Variants in SPATS2L observed in about 807,000 individuals in gnomAD.
SPATS2L encodes the protein spermatogenesis associated serine rich 2 like, also known as SPATS2-like protein.
A neutral mutation model predicts 59.6 loss-of-function variants in SPATS2L; 30 were observed. The observed-to-expected ratio is 0.50, with a 90% confidence interval of 0.38 to 0.68. The LOEUF is 0.68. Ranked by LOEUF, SPATS2L falls within the 30% of genes least tolerant of loss-of-function variation. The pLI is 0.00. For synonymous variants in SPATS2L, 252 were observed against 263.5 expected (o/e 0.96, Z 0.42); for missense variants, 615 against 700.0 (o/e 0.88, Z 1.37).
intron 2 of SPATS2L, among the ~76,000 whole-genome samples, chr2:200,372,409 A>T (rs1403835231): frequency 6.6e-6 from 1 of 152,046 alleles, no homozygotes; most frequent in Non-Finnish European, 1.5e-5. Context: ...ACATAAGGAG[A>T]TAGTAAGTTA....
chr2:200,345,588 C>A (rs754372241), intron 2 of SPATS2L, among the ~76,000 whole-genome samples: 6 of 152,060 alleles, frequency 3.9e-5, no homozygotes, highest in Admixed American at 6.6e-5. Context: ...CTCCCAAATC[C>A]CAGGTCTACA....
At chr2:200,307,141 C>T (rs1268823150) in intron 1 of SPATS2L, among the ~76,000 whole-genome samples, 1 of 151,192 alleles carries the variant, frequency 6.6e-6, no homozygotes, top group Non-Finnish European at 1.5e-5. Flanking sequence ...GCCGTCCTTC[C>T]TTTCTCCAGC....
At chr2:200,320,715 AT>A (rs1343206273) in intron 1 of SPATS2L, among the ~76,000 whole-genome samples, 1 of 152,044 alleles carries the variant, frequency 6.6e-6, no homozygotes, top group East Asian at 1.9e-4. Flanking sequence ...AAAGAGGTTT[AT>A]TTTTCTTCCC....
At position 200,419,826 on chromosome 2, in the gene SPATS2L, T is replaced by C. The variant is rs973213402; in HGVS notation, c.445+330T>C. ...ACTCCTGGACTCAAGCAATCCTGCC[T>C]TGGCATCCCAAAGTGCTGGGATTAC... On this transcript the variant is annotated intron_variant, in intron 6 of 12. Coordinates refer to ENST00000409140, the MANE Select transcript of SPATS2L (RefSeq NM_001100423.2). Among the ~76,000 whole-genome samples the C allele has an allele frequency of 5.5e-4, 83 of 151,566 alleles. 1 individual carries two copies. Among genetic ancestry groups the C allele is most frequent in the African/African-American group, 1.8e-3 (75 of 41,278 alleles).
rs141972939 is a variant in SPATS2L at position 200,462,566 on chromosome 2, A to G, written c.847+2739A>G. On this transcript the variant is annotated intron_variant, in intron 9 of 12. Transcript: ENST00000409140. Reference sequence around the variant, plus strand: ...GCAGGCAGAACTGAGTTCAAGTCCAACCTCCATCTCTAACTGGCTGTGTGT... The same window carrying G: ...GCAGGCAGAACTGAGTTCAAGTCCAGCCTCCATCTCTAACTGGCTGTGTGT... 3.2e-4 allele frequency among the ~76,000 whole-genome samples: 49 copies of G among 152,124 alleles called. 1 individual carries two copies. The highest frequency in any genetic ancestry group is 3.4e-3 in the Middle Eastern group (1 of 294).
intron 6 of SPATS2L, among the ~76,000 whole-genome samples, chr2:200,432,022 G>A (rs1204568273): frequency 4.6e-5 from 7 of 152,194 alleles, no homozygotes; most frequent in Non-Finnish European, 1.0e-4. Flanking sequence ...CAACTTGACT[G>A]AAAAATAATT....
intron 1 of SPATS2L, among the ~76,000 whole-genome samples, chr2:200,312,086 A>T (rs2079210109): frequency 6.6e-6 from 1 of 152,184 alleles, no homozygotes; most frequent in South Asian, 2.1e-4. Context: ...GGATATATAG[A>T]TACCTGCAGT....
At chr2:200,363,873 G>A (rs1221519292) in intron 2 of SPATS2L, among the ~76,000 whole-genome samples, 1 of 152,192 alleles carries the variant, frequency 6.6e-6, no homozygotes. Context: ...AGGAAAACTG[G>A]GAGGTTGTGG....
At chr2:200,408,740 G>C (rs915920988) in intron 3 of SPATS2L, among the ~76,000 whole-genome samples, 1 of 152,242 alleles carries the variant, frequency 6.6e-6, no homozygotes, top group Non-Finnish European at 1.5e-5. Flanking sequence ...TCACTGCCCA[G>C]TTAGTGCAAG....
At chr2:200,393,389 C>T in intron 3 of SPATS2L, 1 of 454,226 alleles carries the variant, frequency 2.2e-6, no homozygotes, top group Non-Finnish European at 4.4e-6. Context: ...AGTGTAAATG[C>T]TCCATGCATA....
At chr2:200,369,506 A>G (rs2081363075) in intron 2 of SPATS2L, among the ~76,000 whole-genome samples, 1 of 152,130 alleles carries the variant, frequency 6.6e-6, no homozygotes, top group Non-Finnish European at 1.5e-5. Context: ...GCCAATAACC[A>G]AGAACAAATA....
chr2:200,315,237 C>T (rs756642138), intron 1 of SPATS2L, among the ~76,000 whole-genome samples: 64 of 152,158 alleles, frequency 4.2e-4, no homozygotes, highest in Non-Finnish European at 8.7e-4. Flanking sequence ...GGATAAGATT[C>T]AGAATTGGAG....
chr2:200,396,687 C>T (rs568023525), intron 3 of SPATS2L, among the ~76,000 whole-genome samples: 2 of 152,104 alleles, frequency 1.3e-5, no homozygotes, highest in African/African-American at 2.4e-5. Flanking sequence ...ATAGATAACT[C>T]GCTTCATGGG....
intron 3 of SPATS2L, among the ~76,000 whole-genome samples, chr2:200,402,630 A>G (rs2082563527): frequency 6.6e-6 from 1 of 152,234 alleles, no homozygotes; most frequent in Non-Finnish European, 1.5e-5. Context: ...TGCTTCTTCT[A>G]TAACATTCAT....
At chr2:200,475,682 C>T (rs2087460980) in intron 12 of SPATS2L, among the ~76,000 whole-genome samples, 1 of 152,124 alleles carries the variant, frequency 6.6e-6, no homozygotes. Flanking sequence ...GATTTATTTT[C>T]CTTTAACAGA....
chr2:200,415,533 C>T (rs1435778643), intron 4 of SPATS2L, among the ~76,000 whole-genome samples: 2 of 152,166 alleles, frequency 1.3e-5, no homozygotes, highest in African/African-American at 2.4e-5. Context: ...CTGATATCCT[C>T]ATTACCAATA....
At chr2:200,373,420 AT>A (rs977075693) in intron 2 of SPATS2L, among the ~76,000 whole-genome samples, 14 of 152,344 alleles carry the variant, frequency 9.2e-5, no homozygotes, top group African/African-American at 3.4e-4. Flanking sequence ...GGAACAAAAA[AT>A]GAAACCAAGA....
At chr2:200,424,680 G>A (rs1326355518) in intron 6 of SPATS2L, among the ~76,000 whole-genome samples, 3 of 152,076 alleles carry the variant, frequency 2.0e-5, no homozygotes, top group Non-Finnish European at 4.4e-5. Flanking sequence ...TCTCCACTTA[G>A]GCCAGAATAG....
Position 200,478,149 on chromosome 2 carries a change from C to A in SPATS2L, c.*118C>A. The A allele has an allele frequency of 2.1e-6, 2 of 971,298 alleles. No homozygotes were observed. Among genetic ancestry groups the A allele is most frequent in the Non-Finnish European group, 2.9e-6 (2 of 691,770 alleles). The allele number at this position is 971,298 out of a possible 1,614,324, so 60.2% of individuals were successfully genotyped here. On this transcript the variant is annotated 3_prime_UTR_variant, in exon 13 of 13. Transcript: ENST00000409140. ...TACAAATCCCGTATGGTTGTGTCAT[C>A]CTCTCTTAATCATTTTTACTAATTC...
Sources: allele counts gnomAD v4.1 joint callset (sites outside exome capture counted in the v4.1 genomes callset), GRCh38; gene constraint gnomAD v4.1.1; transcripts MANE v1.5; gene names NCBI Gene and HGNC (gene_info 2026-07-23, HGNC 2026-07-21).